Variants in UNC5C observed in about 807,000 individuals in gnomAD.
The protein encoded by UNC5C is netrin receptor UNC5C.
Under a neutral mutation model 99.8 loss-of-function variants are expected in UNC5C, and 47 were observed. The ratio of observed to expected loss-of-function variants is 0.47; its 90% CI spans 0.37 to 0.60. The LOEUF (loss-of-function observed/expected upper bound fraction) is 0.60, where lower values mean the gene tolerates loss of function less well. UNC5C is among the 20% of genes least tolerant of loss of function. The probability of loss-of-function intolerance (pLI) is 0.00; values close to 1 mark genes in which losing one functional copy is unlikely to be tolerated. For synonymous variants in UNC5C, 487 were observed against 452.2 expected (o/e 1.08, Z -0.98); for missense variants, 1,062 against 1,165.9 (o/e 0.91, Z 1.30).
intron 1 of UNC5C, among the ~76,000 whole-genome samples, chr4:95,509,883 A>T (rs1722022934): frequency 6.6e-6 from 1 of 151,954 alleles, no homozygotes; most frequent in African/African-American, 2.4e-5. Flanking sequence ...AGTAGCCATA[A>T]TTAGAACATT....
chr4:95,169,487 C>CTT, intron 15 of UNC5C, 88 bp from the exon 16 acceptor site: 1 of 1,458,050 alleles, frequency 6.9e-7, no homozygotes, highest in Non-Finnish European at 9.3e-7. Flanking sequence ...CTCTACTTGT[C>CTT]TTTAAGTTTC....
chr4:95,411,301 A>G (rs1162875057), intron 1 of UNC5C, among the ~76,000 whole-genome samples: 2 of 152,134 alleles, frequency 1.3e-5, no homozygotes, highest in African/African-American at 4.8e-5. Flanking sequence ...AAAAACCCTC[A>G]GATGTCCACA....
At chr4:95,176,197 C>G (rs1285007003) in intron 14 of UNC5C, among the ~76,000 whole-genome samples, 1 of 152,042 alleles carries the variant, frequency 6.6e-6, no homozygotes, top group Non-Finnish European at 1.5e-5. Context: ...AATTTCCTCC[C>G]ATAGCTCGGA....
chr4:95,189,763 G>GA (rs1736992997), intron 12 of UNC5C, among the ~76,000 whole-genome samples: 1 of 152,316 alleles, frequency 6.6e-6, no homozygotes, highest in East Asian at 1.9e-4. Context: ...CTGGCCATCA[G>GA]AGAAATGCAA....
intron 1 of UNC5C, among the ~76,000 whole-genome samples, chr4:95,382,225 C>T (rs145216483): frequency 1.3e-5 from 2 of 152,212 alleles, no homozygotes; most frequent in African/African-American, 2.4e-5. Flanking sequence ...GTAATCCCAA[C>T]ATTTTGGGAG....
At chr4:95,392,903 G>T (rs978393158) in intron 1 of UNC5C, among the ~76,000 whole-genome samples, 12 of 152,090 alleles carry the variant, frequency 7.9e-5, no homozygotes, top group African/African-American at 2.9e-4. Context: ...AAACCATATT[G>T]ATTTACCTGT....
chr4:95,353,522 C>T (rs953057325), intron 1 of UNC5C, among the ~76,000 whole-genome samples: 11 of 151,618 alleles, frequency 7.3e-5, no homozygotes, highest in Non-Finnish European at 1.5e-4. Flanking sequence ...AATTTTGTTC[C>T]AAAGAAAAAA....
chr4:95,197,272 G>A (rs1737469577), intron 12 of UNC5C, among the ~76,000 whole-genome samples: 1 of 151,242 alleles, frequency 6.6e-6, no homozygotes, highest in Admixed American at 6.6e-5. Context: ...AGCTCTCCTG[G>A]ACTCATTCCC....
intron 1 of UNC5C, among the ~76,000 whole-genome samples, chr4:95,422,611 C>A (rs888321019): frequency 2.6e-5 from 4 of 152,142 alleles, no homozygotes; most frequent in Non-Finnish European, 5.9e-5. Flanking sequence ...CAACATCCGT[C>A]GCCTCAACCT....
At chr4:95,478,357 C>T (rs1463021708) in intron 1 of UNC5C, among the ~76,000 whole-genome samples, 2 of 151,974 alleles carry the variant, frequency 1.3e-5, no homozygotes, top group Non-Finnish European at 2.9e-5. Flanking sequence ...TTTTCAGCTG[C>T]CACTTTCTCC....
intron 1 of UNC5C, 118 bp downstream of exon 1, chr4:95,548,616 T>C (rs1723141738): frequency 1.6e-6 from 2 of 1,265,222 alleles, no homozygotes; most frequent in Admixed American, 2.8e-5. Context: ...TTTAGAGTGG[T>C]TTCCAGTTGA....
At position 95,324,381 on chromosome 4, in the gene UNC5C, G is replaced by T. The variant is rs142693738; in HGVS notation, c.346+11029C>A. Among the ~76,000 whole-genome samples, 660 of 152,174 alleles carry T rather than the reference G, an allele frequency of 4.3e-3. 5 individuals are homozygous for T. Among genetic ancestry groups the T allele is most frequent in the African/African-American group, 0.015 (628 of 41,530 alleles). On this transcript the variant is annotated intron_variant, in intron 2 of 15. Coordinates refer to ENST00000453304, the MANE Select transcript of UNC5C (RefSeq NM_003728.4). ...ACTGTTGCAGAAAAATAAGCTCAGG[G>T]CTCCCATTGATTCTACATTATGGTG...
intron 1 of UNC5C, among the ~76,000 whole-genome samples, chr4:95,495,664 A>G (rs942808766): frequency 2.6e-5 from 4 of 151,686 alleles, no homozygotes; most frequent in Admixed American, 6.6e-5. Flanking sequence ...AGCAAGTTAA[A>G]TAACTGTCCA....
At chr4:95,532,583 G>A (rs1052856281) in intron 1 of UNC5C, among the ~76,000 whole-genome samples, 3 of 152,142 alleles carry the variant, frequency 2.0e-5, no homozygotes, top group African/African-American at 7.2e-5. Context: ...ACAGGGAAAA[G>A]AAGAGTGCTC....
chr4:95,290,026 C>A (rs887265674), intron 3 of UNC5C, among the ~76,000 whole-genome samples: 6 of 151,970 alleles, frequency 3.9e-5, no homozygotes, highest in African/African-American at 1.5e-4. Flanking sequence ...AATTGAAGCT[C>A]GGTGCAGTGG....
At chr4:95,475,702 TAAAACAAACAGCTACCCACCTGGGA>T (rs1247248969) in intron 1 of UNC5C, among the ~76,000 whole-genome samples, 1 of 152,116 alleles carries the variant, frequency 6.6e-6, no homozygotes, top group Non-Finnish European at 1.5e-5. Flanking sequence ...TCTCCCATAC[TAAAACAAACAGCTACCCACCTGGGA>T]AAACTTACTG....
intron 2 of UNC5C, among the ~76,000 whole-genome samples, chr4:95,314,451 C>A (rs1742394070): frequency 6.6e-6 from 1 of 152,114 alleles, no homozygotes; most frequent in East Asian, 1.9e-4. Flanking sequence ...TGCATAAGGT[C>A]TACTTATTTT....
intron 1 of UNC5C, among the ~76,000 whole-genome samples, chr4:95,376,172 A>G (rs1420595249): frequency 6.6e-6 from 1 of 152,088 alleles, no homozygotes; most frequent in Non-Finnish European, 1.5e-5. Context: ...TTCTATATAT[A>G]CTTACACATA....
chr4:95,371,936 T>A (rs1170354845), intron 1 of UNC5C, among the ~76,000 whole-genome samples: 1 of 152,232 alleles, frequency 6.6e-6, no homozygotes, highest in Non-Finnish European at 1.5e-5. Flanking sequence ...TCAAGCTATG[T>A]GTCTTTCTGA....
Sources: allele counts gnomAD v4.1 joint callset (sites outside exome capture counted in the v4.1 genomes callset), GRCh38; gene constraint gnomAD v4.1.1; transcripts MANE v1.5; gene names NCBI Gene and HGNC (gene_info 2026-07-23, HGNC 2026-07-21).